The following MCTP1 variants were observed in gnomAD, a reference collection of about 807,000 sequenced individuals.
MCTP1 encodes multiple C2 and transmembrane domain containing 1.
MCTP1 carries 69 observed loss-of-function variants against 120.6 expected under a neutral mutation model. The ratio of observed to expected loss-of-function variants is 0.57; its 90% CI spans 0.47 to 0.70. The LOEUF (loss-of-function observed/expected upper bound fraction) is 0.70, where lower values mean the gene tolerates loss of function less well. Among genes scored for constraint, MCTP1 ranks in the 30% least tolerant of loss-of-function variants. The pLI, the probability that MCTP1 is intolerant of heterozygous loss-of-function variation, is 0.00. For synonymous variants in MCTP1, 529 were observed against 493.1 expected, an observed-to-expected ratio of 1.07 and a Z score of -0.96; for missense variants, 1,203 against 1,248.8, an observed-to-expected ratio of 0.96 and a Z score of 0.55.
intron 1 of MCTP1, among the ~76,000 whole-genome samples, chr5:95,213,147 A>T (rs1752603601): frequency 6.6e-6 from 1 of 152,204 alleles, no homozygotes; most frequent in South Asian, 2.1e-4. Context: ...CCTTAAGCTG[A>T]TAAGCAACTT....
intron 17 of MCTP1, among the ~76,000 whole-genome samples, chr5:94,852,144 A>C (rs958832786): frequency 1.3e-5 from 2 of 151,966 alleles, no homozygotes; most frequent in Non-Finnish European, 2.9e-5. Context: ...AGCAGATTTT[A>C]AAGTTTTCTG....
intron 19 of MCTP1, among the ~76,000 whole-genome samples, chr5:94,724,276 C>T (rs11956537): frequency 0.022 from 3,277 of 152,152 alleles, 61 homozygotes; most frequent in African/African-American, 0.048. Flanking sequence ...GATGAGGTCT[C>T]GCTTTGTTGC....
At chr5:94,943,286 C>T (rs902129864) in intron 3 of MCTP1, among the ~76,000 whole-genome samples, 12 of 152,010 alleles carry the variant, frequency 7.9e-5, no homozygotes, top group East Asian at 3.9e-4. Flanking sequence ...GGAAGGAGTA[C>T]GCATGCTAGC....
intron 7 of MCTP1, among the ~76,000 whole-genome samples, chr5:94,922,101 T>A (rs1180778975): frequency 6.6e-6 from 1 of 152,170 alleles, no homozygotes; most frequent in Non-Finnish European, 1.5e-5. Flanking sequence ...TATGACTCAA[T>A]TCATTTGTCA....
intron 1 of MCTP1, among the ~76,000 whole-genome samples, chr5:95,263,908 G>T (rs1758677640): frequency 6.6e-6 from 1 of 152,058 alleles, no homozygotes; most frequent in African/African-American, 2.4e-5. Flanking sequence ...TCCACCCAGG[G>T]GCAGGCAACT....
In MCTP1 at chr5:95,283,975, G is replaced by A. The variant is rs780268812; in HGVS notation, c.601C>T (p.Leu201=). 46 of 1,439,856 alleles carry A rather than the reference G, an allele frequency of 3.2e-5. No individual in the cohort carries two copies. In the Middle Eastern group the frequency reaches 1.7e-3, roughly 53 times the overall value. 89.2% of individuals were successfully genotyped at this position (1,439,856 alleles called of 1,614,324 possible). ...TGCTCCAGGCAGGCGGTGCCCGGCA[G>A]AGAGGAGCTCTTCTGGTGGCACAAG... ...AHLCHQKSSS[L]PGTACLEQLL... Residue 201 remains leucine (L), a synonymous_variant, in exon 1 of 23, where the codon CTG becomes TTG. Coordinates refer to ENST00000515393, the MANE Select transcript of MCTP1 (RefSeq NM_024717.7).
At chr5:95,203,288 T>C (rs1007893068) in intron 1 of MCTP1, among the ~76,000 whole-genome samples, 1 of 152,244 alleles carries the variant, frequency 6.6e-6, no homozygotes, top group African/African-American at 2.4e-5. Context: ...TTTCCATTCC[T>C]GTGCTATGTT....
chr5:94,824,521 G>A (rs888749248), intron 17 of MCTP1, among the ~76,000 whole-genome samples: 2 of 152,184 alleles, frequency 1.3e-5, no homozygotes, highest in African/African-American at 4.8e-5. Context: ...TCTCTGCCAG[G>A]TTTTGGTATC....
intron 1 of MCTP1, among the ~76,000 whole-genome samples, chr5:95,146,980 TC>T (rs1201492385): frequency 6.6e-6 from 1 of 152,182 alleles, no homozygotes; most frequent in African/African-American, 2.4e-5. Context: ...GGTGTTCAAG[TC>T]CCCCACTAGT....
chr5:95,215,241 C>T (rs1403712657), intron 1 of MCTP1, among the ~76,000 whole-genome samples: 1 of 152,156 alleles, frequency 6.6e-6, no homozygotes, highest in Non-Finnish European at 1.5e-5. Flanking sequence ...TGAGACCCTC[C>T]CTGATCAATT....
intron 17 of MCTP1, among the ~76,000 whole-genome samples, chr5:94,841,722 T>G (rs991073713): frequency 6.6e-6 from 1 of 152,224 alleles, no homozygotes; most frequent in African/African-American, 2.4e-5. Context: ...TGCACTCATA[T>G]ACATTCAGGA....
At chr5:94,921,339 G>A (rs188662052) in intron 7 of MCTP1, among the ~76,000 whole-genome samples, 1 of 152,266 alleles carries the variant, frequency 6.6e-6, no homozygotes, top group Non-Finnish European at 1.5e-5. Flanking sequence ...TTTCTTCCAG[G>A]AAAATTAAGA....
chr5:94,803,750 TAGAA>T (rs1197279233), intron 17 of MCTP1, among the ~76,000 whole-genome samples: 1 of 152,186 alleles, frequency 6.6e-6, no homozygotes, highest in Admixed American at 6.5e-5. Context: ...GCCAACTAAA[TAGAA>T]AGAGATGATG....
intron 1 of MCTP1, among the ~76,000 whole-genome samples, chr5:95,135,309 A>C (rs760976467): frequency 5.9e-5 from 9 of 152,222 alleles, no homozygotes; most frequent in Non-Finnish European, 1.0e-4. Context: ...TATGGTGGTG[A>C]ATTGAGAATA....
Position 95,140,879 on chromosome 5 carries a change from C to CAAAAAAAA in MCTP1, c.721-123403_721-123396dup, listed in dbSNP as rs33910299. Among the ~76,000 whole-genome samples the CAAAAAAAA allele has an allele frequency of 6.6e-5, 3 of 45,342 alleles. 1 individual carries two copies. Among genetic ancestry groups the CAAAAAAAA allele is most frequent in the East Asian group, 6.4e-4 (1 of 1,552 alleles). 29.7% of individuals were successfully genotyped at this position (45,342 alleles called of 152,430 possible). On this transcript the variant is annotated intron_variant, in intron 1 of 22. Coordinates refer to ENST00000515393, the MANE Select transcript of MCTP1 (RefSeq NM_024717.7). Reference sequence around the variant, plus strand: ...TGGGCGACAGAGCGAGACTCCGTCTCAAAAAAAAAAAAAAAAAAAAAAAAA... The same window carrying CAAAAAAAA: ...TGGGCGACAGAGCGAGACTCCGTCTCAAAAAAAAAAAAAAAAAAAAAAAAAAAAAAAAA...
At chr5:94,823,835 GCTCT>G (rs1786276587) in intron 17 of MCTP1, among the ~76,000 whole-genome samples, 1 of 152,020 alleles carries the variant, frequency 6.6e-6, no homozygotes, top group Non-Finnish European at 1.5e-5. Flanking sequence ...TCATGATTTG[GCTCT>G]CTGTTTGTCT....
intron 2 of MCTP1, among the ~76,000 whole-genome samples, chr5:94,986,673 C>T (rs1199330195): frequency 1.3e-5 from 2 of 152,102 alleles, no homozygotes; most frequent in African/African-American, 4.8e-5. Context: ...CCATGCCTGG[C>T]TAATTTTTGT....
At chr5:95,059,783 G>A (rs1380315023) in intron 1 of MCTP1, among the ~76,000 whole-genome samples, 1 of 152,132 alleles carries the variant, frequency 6.6e-6, no homozygotes, top group Non-Finnish European at 1.5e-5. Flanking sequence ...GGATGGGTGA[G>A]GGAAGGAGAA....
In MCTP1 at chr5:95,114,232, A is replaced by T. The variant is rs1312344606; in HGVS notation, c.721-96748T>A. ...TTCTCAGCTATGGTGTTATGAGGAG[A>T]ATCTCTGCTTGAGAAATGCAGAAAG... On this transcript the variant is annotated intron_variant, in intron 1 of 22. Coordinates refer to ENST00000515393, the MANE Select transcript of MCTP1 (RefSeq NM_024717.7). Among the ~76,000 whole-genome samples the T allele has an allele frequency of 3.3e-5, 5 of 152,232 alleles. No homozygotes were observed. The South Asian group carries it at 1.0e-3, about 31-fold the overall frequency.
Sources: gnomAD v4.1 joint callset for allele counts (sites outside exome capture counted in the v4.1 genomes callset) on GRCh38, gnomAD v4.1.1 for gene constraint, MANE v1.5 for transcripts, NCBI Gene and HGNC (gene_info 2026-07-23, HGNC 2026-07-21) for gene names.